Variants in SYNJ1 observed in about 807,000 individuals in gnomAD.
SYNJ1 encodes the protein synaptojanin 1.
A neutral mutation model predicts 168.2 loss-of-function variants in SYNJ1; 78 were observed. That is an observed-to-expected ratio of 0.46 (90% CI 0.39 to 0.56). SYNJ1 has a LOEUF of 0.56. Among genes scored for constraint, SYNJ1 ranks in the 20% least tolerant of loss-of-function variants. The probability of loss-of-function intolerance (pLI) is 0.00; values close to 1 mark genes in which losing one functional copy is unlikely to be tolerated. For synonymous variants in SYNJ1, 539 were observed against 548.6 expected, an observed-to-expected ratio of 0.98 and a Z score of 0.24; for missense variants, 1,303 against 1,597.6, an observed-to-expected ratio of 0.82 and a Z score of 3.14.
At chr21:32,688,467 C>T (rs1184846004) in intron 6 of SYNJ1, 100 bp from the exon 7 acceptor site, 5 of 959,282 alleles carry the variant, frequency 5.2e-6, no homozygotes, top group Non-Finnish European at 6.2e-6. Context: ...GCTGAACACA[C>T]AGTCGTTAAT....
At position 32,694,297 on chromosome 21, in the gene SYNJ1, A is replaced by C. The variant is rs2042126992; in HGVS notation, c.720T>G (p.Asp240Glu). Reference protein sequence around the residue: ...FVETEQVVYLDDSVSSFIQIR... With the variant: ...FVETEQVVYLEDSVSSFIQIR... Reference sequence around the variant, plus strand: ...TTTGTATGAAGGAAGAAACTGAGTCATCTAAGTACACAACCTACAGAAAAA... The same window carrying C: ...TTTGTATGAAGGAAGAAACTGAGTCCTCTAAGTACACAACCTACAGAAAAA... Residue 240 changes from aspartate to glutamate, a missense_variant, in exon 6 of 33, where the codon GAT becomes GAG. This residue lies in a region of SYNJ1 where 920 missense variants were observed against 1,208.8 expected (regional missense o/e 0.76). Transcript: ENST00000674351. 1 of 1,573,210 alleles carries C rather than the reference A, an allele frequency of 6.4e-7. No homozygotes were observed. Among genetic ancestry groups the C allele is most frequent in the Non-Finnish European group, 8.6e-7 (1 of 1,164,144 alleles).
At chr21:32,716,786 G>A (rs2043038819) in intron 2 of SYNJ1, among the ~76,000 whole-genome samples, 1 of 152,134 alleles carries the variant, frequency 6.6e-6, no homozygotes, top group South Asian at 2.1e-4. Flanking sequence ...TGGGTCACCG[G>A]AAGTCGTCCT....
chr21:32,693,048 A>AATAAATAAAT (rs2042082087), intron 6 of SYNJ1, among the ~76,000 whole-genome samples: 1 of 151,778 alleles, frequency 6.6e-6, no homozygotes, highest in Non-Finnish European at 1.5e-5. Context: ...TAAATATATA[A>AATAAATAAAT]ATAAATAAAT....
Position 32,645,671 on chromosome 21 carries a change from G to C in SYNJ1, c.3366C>G (p.Pro1122=), listed in dbSNP as rs1214664238. The C allele has an allele frequency of 5.2e-6, 8 of 1,525,052 alleles. No individual in the cohort carries two copies. The Admixed American group carries it at 1.7e-4, about 32-fold the overall frequency. 94.5% of individuals were successfully genotyped at this position (1,525,052 alleles called of 1,614,324 possible). ...RPVAPPTRPA[P]PQRPPPPSGA... ...CTGAAGGCGGAGGAGGTCTCTGTGG[G>C]GGAGCCGGGCGTGTGGGAGGGGCGA... is the stretch of plus-strand genomic sequence containing the variant. Residue 1122 remains proline (P), a synonymous_variant, in exon 25 of 33, where the codon CCC becomes CCG. Coordinates refer to ENST00000674351, the MANE Select transcript of SYNJ1 (RefSeq NM_203446.3).
chr21:32,722,687 G>A (rs1476019945), intron 2 of SYNJ1, among the ~76,000 whole-genome samples: 1 of 152,106 alleles, frequency 6.6e-6, no homozygotes, highest in Non-Finnish European at 1.5e-5. Flanking sequence ...TCAAGTATGA[G>A]TAAAACACTA....
At chr21:32,650,459 G>GCTGAATTGTCTA in intron 22 of SYNJ1, 113 bp from the exon 23 acceptor site, 1 of 851,146 alleles carries the variant, frequency 1.2e-6, no homozygotes, top group Non-Finnish European at 1.7e-6. Context: ...AATTTAGTTA[G>GCTGAATTGTCTA]ACAATTCAGC....
At chr21:32,693,061 A>G (rs1453875688) in intron 6 of SYNJ1, among the ~76,000 whole-genome samples, 1 of 151,786 alleles carries the variant, frequency 6.6e-6, no homozygotes, top group Non-Finnish European at 1.5e-5. Flanking sequence ...AAATAAATAT[A>G]AATAAATTAA....
chr21:32,695,911 A>G (rs935249479), intron 4 of SYNJ1, among the ~76,000 whole-genome samples: 1 of 146,338 alleles, frequency 6.8e-6, no homozygotes, highest in Non-Finnish European at 1.5e-5. Flanking sequence ...CAGTGGCGGG[A>G]TCTTGGCTCA....
At chr21:32,665,682 G>A (rs372881579) in intron 17 of SYNJ1, among the ~76,000 whole-genome samples, 69 of 152,160 alleles carry the variant, frequency 4.5e-4, no homozygotes, top group Middle Eastern at 3.4e-3. Flanking sequence ...CTGTACCCCC[G>A]ACCACCTTGG....
chr21:32,629,295 A>T lies in SYNJ1; in HGVS notation c.*2510T>A, dbSNP rs1364879256. ...TTCAACAAGTTAATTCACATTTTGA[A>T]GCAACTGCTTATAGTAATACTGCTG... On this transcript the variant is annotated 3_prime_UTR_variant, in exon 33 of 33. Transcript: ENST00000674351. 1.3e-5 allele frequency: 2 copies of T among 152,652 alleles called. No homozygotes were observed. The highest frequency in any genetic ancestry group is 2.9e-5 in the Non-Finnish European group (2 of 68,034). The allele number at this position is 152,652 out of a possible 1,614,324, so 9.5% of individuals were successfully genotyped here. A position where few individuals can be genotyped will look rare whatever the true frequency, so the allele number is the denominator to read the frequency against.
chr21:32,691,120 C>T (rs2042011307), intron 6 of SYNJ1, among the ~76,000 whole-genome samples: 1 of 152,144 alleles, frequency 6.6e-6, no homozygotes, highest in African/African-American at 2.4e-5. Flanking sequence ...CCCTAAATCT[C>T]ATTCTGAATT....
intron 3 of SYNJ1, among the ~76,000 whole-genome samples, chr21:32,700,631 G>C (rs1273475744): frequency 2.6e-5 from 4 of 151,906 alleles, no homozygotes; most frequent in Non-Finnish European, 5.9e-5. Flanking sequence ...CTCCAGCCTG[G>C]GCAACAGGAG....
chr21:32,681,107 C>G (rs1463659646), intron 11 of SYNJ1, among the ~76,000 whole-genome samples: 1 of 151,994 alleles, frequency 6.6e-6, no homozygotes, highest in Non-Finnish European at 1.5e-5. Flanking sequence ...GAACGCAAAG[C>G]CAAATAAGAG....
intron 16 of SYNJ1, 50 bp downstream of exon 16, chr21:32,666,383 T>G: frequency 6.4e-7 from 1 of 1,562,570 alleles, no homozygotes; most frequent in Non-Finnish European, 8.6e-7. Context: ...GCTTTTTTCT[T>G]GTTATTTAAT....
chr21:32,703,740 T>TA (rs1337354291), intron 2 of SYNJ1, among the ~76,000 whole-genome samples: 4 of 151,664 alleles, frequency 2.6e-5, no homozygotes, highest in African/African-American at 9.7e-5. Context: ...TATTTTTATT[T>TA]TTTTTTTTTG....
At chr21:32,672,622 G>C (rs1722823867) in intron 14 of SYNJ1, among the ~76,000 whole-genome samples, 1 of 152,142 alleles carries the variant, frequency 6.6e-6, no homozygotes, top group Non-Finnish European at 1.5e-5. Context: ...TTACAGGCGT[G>C]AGCCACCGTG....
chr21:32,677,136 T>C (rs1456330636), intron 12 of SYNJ1, among the ~76,000 whole-genome samples: 2 of 152,182 alleles, frequency 1.3e-5, no homozygotes, highest in Non-Finnish European at 2.9e-5. Context: ...GATGTGAATG[T>C]GTATGGCTCA....
chr21:32,693,879 T>C (rs2042113509), intron 6 of SYNJ1, among the ~76,000 whole-genome samples: 1 of 152,224 alleles, frequency 6.6e-6, no homozygotes, highest in Non-Finnish European at 1.5e-5. Context: ...GGCTTTGTTT[T>C]ATCTACTACA....
chr21:32,684,142 T>C (rs2146072950), intron 9 of SYNJ1, 23 bp from the exon 10 acceptor site: 1 of 1,608,482 alleles, frequency 6.2e-7, no homozygotes, highest in East Asian at 2.2e-5. Context: ...AAGTTAAATA[T>C]CCAGTTTGGA....
Sources: allele counts gnomAD v4.1 joint callset (sites outside exome capture counted in the v4.1 genomes callset), GRCh38; gene constraint gnomAD v4.1.1; regional missense constraint gnomAD v4.1.1; transcripts MANE v1.5; gene names NCBI Gene and HGNC (gene_info 2026-07-23, HGNC 2026-07-21).